TNFSF4: variants seen among roughly 807,000 people sequenced by gnomAD.
TNFSF4 encodes the protein tumor necrosis factor ligand superfamily member 4.
In TNFSF4, 4 loss-of-function variants were observed where a neutral mutation model predicts 7.3. That is an observed-to-expected ratio of 0.55 (90% CI 0.27 to 1.25). The LOEUF (loss-of-function observed/expected upper bound fraction) is 1.25, where lower values mean the gene tolerates loss of function less well. Ranked by LOEUF, TNFSF4 falls within the 50% of genes most tolerant of loss-of-function variation. The pLI, the probability that TNFSF4 is intolerant of heterozygous loss-of-function variation, is 0.12. For missense variants in TNFSF4, 181 were observed against 208.8 expected, an observed-to-expected ratio of 0.87 and a Z score of 0.82; for synonymous variants, 76 against 83.7, an observed-to-expected ratio of 0.91 and a Z score of 0.50.
the TNFSF4 span, among the ~76,000 whole-genome samples, chr1:173,303,602 T>C: frequency 2.0e-5 from 3 of 151,922 alleles, no homozygotes; most frequent in African/African-American, 7.2e-5. Context: ...AATGGAACTA[T>C]CTTTTTAAAT....
At chr1:173,232,378 T>C in the TNFSF4 span, among the ~76,000 whole-genome samples, 1 of 152,200 alleles carries the variant, frequency 6.6e-6, no homozygotes, top group African/African-American at 2.4e-5. Flanking sequence ...GCTGAGACAA[T>C]GGGATTTTCT....
chr1:173,319,375 G>T, the TNFSF4 span, among the ~76,000 whole-genome samples: 1 of 152,198 alleles, frequency 6.6e-6, no homozygotes. Flanking sequence ...ATCTCCCTGG[G>T]ACAGAGCACC....
chr1:173,308,285 CTG>C, the TNFSF4 span, among the ~76,000 whole-genome samples: 407 of 134,716 alleles, frequency 3.0e-3, 3 homozygotes, highest in East Asian at 0.019. Context: ...CTCTCTCTCT[CTG>C]TGTGTGTGTG....
At chr1:173,243,072 C>A in the TNFSF4 span, among the ~76,000 whole-genome samples, 1 of 136,678 alleles carries the variant, frequency 7.3e-6, no homozygotes, top group Non-Finnish European at 1.5e-5. Context: ...ATGAGGTCAA[C>A]TTTCTCTCTG....
At chr1:173,262,750 C>T in the TNFSF4 span, among the ~76,000 whole-genome samples, 3 of 151,946 alleles carry the variant, frequency 2.0e-5, no homozygotes, top group Non-Finnish European at 4.4e-5. Context: ...CTACAGGCGC[C>T]TGCCACCGCG....
chr1:173,368,166 G>A, the TNFSF4 span, among the ~76,000 whole-genome samples: 1 of 152,064 alleles, frequency 6.6e-6, no homozygotes, highest in East Asian at 1.9e-4. Flanking sequence ...GGACAAATAA[G>A]GGAATAAAAG....
the TNFSF4 span, among the ~76,000 whole-genome samples, chr1:173,422,813 C>T: frequency 1.3e-5 from 2 of 152,156 alleles, no homozygotes; most frequent in Non-Finnish European, 2.9e-5. Context: ...GGCCCCTGCA[C>T]AAGGAAGTAC....
the TNFSF4 span, among the ~76,000 whole-genome samples, chr1:173,287,048 C>A: frequency 1.8e-4 from 27 of 152,144 alleles, no homozygotes; most frequent in African/African-American, 4.8e-5. Flanking sequence ...CTGGGCACAG[C>A]AGCTCATGCC....
chr1:173,225,853 A>C, the TNFSF4 span, among the ~76,000 whole-genome samples: 1 of 152,260 alleles, frequency 6.6e-6, no homozygotes, highest in Non-Finnish European at 1.5e-5. Context: ...TCTTGAACAC[A>C]GAGACTGTGG....
At chr1:173,346,330 C>T in the TNFSF4 span, among the ~76,000 whole-genome samples, 5 of 152,080 alleles carry the variant, frequency 3.3e-5, no homozygotes, top group Admixed American at 2.6e-4. Context: ...GAATGTTAGA[C>T]CACAGTACCA....
chr1:173,256,843 G>A, the TNFSF4 span, among the ~76,000 whole-genome samples: 1 of 152,200 alleles, frequency 6.6e-6, no homozygotes, highest in East Asian at 1.9e-4. Context: ...AACCTCTAAA[G>A]GGCACTGAAA....
At chr1:173,177,909 G>GA in the TNFSF4 span, among the ~76,000 whole-genome samples, 2 of 152,162 alleles carry the variant, frequency 1.3e-5, no homozygotes, top group East Asian at 3.9e-4. Context: ...AGTTCTCATG[G>GA]AGGAGCATGT....
the TNFSF4 span, among the ~76,000 whole-genome samples, chr1:173,300,444 C>T: frequency 6.6e-6 from 1 of 151,744 alleles, no homozygotes; most frequent in Admixed American, 6.6e-5. Flanking sequence ...CTCAAAGGTC[C>T]CTGGGACACT....
the TNFSF4 span, among the ~76,000 whole-genome samples, chr1:173,264,314 CTTCTTT>C: frequency 7.6e-6 from 1 of 131,452 alleles, no homozygotes; most frequent in East Asian, 2.2e-4. Context: ...CATCTGGCTT[CTTCTTT>C]TTTTTTTTTT....
At chr1:173,314,939 G>C in the TNFSF4 span, among the ~76,000 whole-genome samples, 444 of 152,188 alleles carry the variant, frequency 2.9e-3, 2 homozygotes, top group African/African-American at 9.7e-3. Context: ...CAGTTAAATG[G>C]TAGGAGAAGT....
chr1:173,271,346 G>A, the TNFSF4 span, among the ~76,000 whole-genome samples: 7 of 152,040 alleles, frequency 4.6e-5, no homozygotes, highest in East Asian at 1.9e-4. Flanking sequence ...AAGGGATCCC[G>A]TTTCAGCTTT....
At chr1:173,360,688 A>T in the TNFSF4 span, among the ~76,000 whole-genome samples, 7 of 152,256 alleles carry the variant, frequency 4.6e-5, no homozygotes, top group African/African-American at 1.2e-4. Flanking sequence ...AAGAACTTCA[A>T]CAAGAAGCTA....
At chr1:173,301,881 C>T in the TNFSF4 span, among the ~76,000 whole-genome samples, 1 of 141,886 alleles carries the variant, frequency 7.0e-6, no homozygotes, top group Non-Finnish European at 1.5e-5. Flanking sequence ...TACCACTTCT[C>T]ATTCCCTGCA....
the TNFSF4 span, among the ~76,000 whole-genome samples, chr1:173,397,578 TC>T: frequency 6.6e-5 from 10 of 152,114 alleles, no homozygotes; most frequent in Non-Finnish European, 1.5e-5. Flanking sequence ...TTTCAGTGGG[TC>T]CCTGAACCCA....
Sources: gnomAD v4.1 joint callset for allele counts (sites outside exome capture counted in the v4.1 genomes callset) on GRCh38, gnomAD v4.1.1 for gene constraint, MANE v1.5 for transcripts, NCBI Gene and HGNC (gene_info 2026-07-23, HGNC 2026-07-21) for gene names.